The following PCDH19 variants were observed in gnomAD, a reference collection of about 807,000 sequenced individuals.
PCDH19 encodes protocadherin 19.
In PCDH19, 6 loss-of-function variants were observed where a neutral mutation model predicts 46.2. That is an observed-to-expected ratio of 0.13 (90% CI 0.07 to 0.26). The LOEUF (loss-of-function observed/expected upper bound fraction) is 0.26, where lower values mean the gene tolerates loss of function less well. PCDH19 is among the 10% of genes least tolerant of loss of function. The pLI is 1.00. For missense variants in PCDH19, 740 were observed against 972.3 expected (o/e 0.76, Z 3.18); for synonymous variants, 481 against 415.7 (o/e 1.16, Z -1.91).
Position 100,296,096 on chromosome X carries a change from C to A in PCDH19, c.*181G>T, listed in dbSNP as rs1035947072. On this transcript the variant is annotated 3_prime_UTR_variant, in exon 6 of 6. Coordinates refer to ENST00000373034, the MANE Select transcript of PCDH19 (RefSeq NM_001184880.2). The stretch of plus-strand genomic sequence containing the variant: ...AAGCTAATTTGCTCCAACTGAACAC[C>A]CCTGCTGCCTGTTGAAACAAGGGAC... 8 of 470,532 alleles carry A rather than the reference C, an allele frequency of 1.7e-5. No individual in the cohort carries two copies. In the South Asian group the frequency reaches 2.2e-4, roughly 13 times the overall value. 38.8% of individuals were successfully genotyped at this position (470,532 alleles called of 1,213,427 possible). A position where few individuals can be genotyped will look rare whatever the true frequency, so the allele number is the denominator to read the frequency against.
intron 4 of PCDH19, among the ~76,000 whole-genome samples, chrX:100,345,909 A>G (rs1569298085): frequency 8.9e-6 from 1 of 112,229 alleles, no homozygotes; most frequent in Non-Finnish European, 1.9e-5. Context: ...GCAAGATGCC[A>G]CATATTGTAA....
chrX:100,344,387 G>A (rs775768089), intron 4 of PCDH19, among the ~76,000 whole-genome samples: 1 of 111,361 alleles, frequency 9.0e-6, no homozygotes, highest in African/African-American at 3.3e-5. Context: ...CACATATTAC[G>A]GAGTTTTCTG....
chrX:100,296,372 T>C lies in PCDH19; in HGVS notation c.3352A>G (p.Ser1118Gly), dbSNP rs1057520343. Residue 1118 changes from serine to glycine, a missense_variant, in exon 6 of 6, where the codon AGC becomes GGC. Physicochemically the swap from Ser to Gly is moderately conservative, Grantham distance 56 (BLOSUM62 0). This residue lies in a region of PCDH19 where 416 missense variants were observed against 476.8 expected (regional missense o/e 0.87). Coordinates refer to ENST00000373034, the MANE Select transcript of PCDH19 (RefSeq NM_001184880.2). ...CTGACCTCATGCATGACTTTCTCGC[T>C]ATCAGCTCCACGGGGCTCAGCTTCA... ...PSEAEPRGAD[S>G]EKVMHEVSPI... 3 of 1,211,619 alleles carry C rather than the reference T, an allele frequency of 2.5e-6. No homozygotes were observed. The East Asian group carries it at 8.9e-5, about 36-fold the overall frequency.
chrX:100,359,215 A>G (rs1926803263), intron 3 of PCDH19, among the ~76,000 whole-genome samples: 1 of 112,148 alleles, frequency 8.9e-6, no homozygotes, highest in African/African-American at 3.2e-5. Context: ...AAGCAATCAG[A>G]AAACAGTAAC....
At chrX:100,327,212 T>C (rs145321037) in intron 5 of PCDH19, among the ~76,000 whole-genome samples, 2 of 111,892 alleles carry the variant, frequency 1.8e-5, no homozygotes, top group Non-Finnish European at 3.8e-5. Context: ...TTGCTATGTT[T>C]TGGACACTTG....
intron 3 of PCDH19, among the ~76,000 whole-genome samples, chrX:100,362,867 A>G (rs1294663177): frequency 9.0e-6 from 1 of 110,751 alleles, no homozygotes; most frequent in East Asian, 2.8e-4. Flanking sequence ...AAAAAAGCAC[A>G]TAAGAAAAAA....
chrX:100,409,938 C>T lies in PCDH19; in HGVS notation c.-1341G>A. On this transcript the variant is annotated 5_prime_UTR_variant, in exon 1 of 6. Transcript: ENST00000373034. ...ACTCGGGAGGTCTGTCTCGCTTTCTCTGTCTGTCTCGGGCTGTGTGTGAAT... is the reference window on the plus strand; with the variant it reads ...ACTCGGGAGGTCTGTCTCGCTTTCTTTGTCTGTCTCGGGCTGTGTGTGAAT... 3.1e-6 allele frequency: 1 copy of T among 321,708 alleles called. No individual in the cohort carries two copies. Among genetic ancestry groups the T allele is most frequent in the Non-Finnish European group, 5.3e-6 (1 of 188,208 alleles). 26.5% of individuals were successfully genotyped at this position (321,708 alleles called of 1,213,427 possible).
At chrX:100,389,465 G>A (rs967239131) in intron 3 of PCDH19, among the ~76,000 whole-genome samples, 1 of 110,818 alleles carries the variant, frequency 9.0e-6, no homozygotes, top group Non-Finnish European at 1.9e-5. Flanking sequence ...GAGATTTAAT[G>A]TCTAGCATGG....
intron 3 of PCDH19, among the ~76,000 whole-genome samples, chrX:100,377,213 CA>C (rs1216523973): frequency 1.8e-5 from 2 of 111,710 alleles, no homozygotes; most frequent in East Asian, 5.6e-4. Flanking sequence ...AGTTTTCTAC[CA>C]ACTCTACCAA....
chrX:100,360,462 A>G (rs1195123019), intron 3 of PCDH19, among the ~76,000 whole-genome samples: 1 of 112,504 alleles, frequency 8.9e-6, no homozygotes, highest in Non-Finnish European at 1.9e-5. Context: ...TTTGTCGCAG[A>G]TATTGTGATT....
At chrX:100,338,337 G>A (rs1024380262) in intron 5 of PCDH19, among the ~76,000 whole-genome samples, 5 of 70,897 alleles carry the variant, frequency 7.1e-5, no homozygotes, top group East Asian at 4.3e-4. Flanking sequence ...GCGAGACTCC[G>A]TCTCAAAAAA....
Position 100,301,742 on chromosome X carries a change from C to T in PCDH19, c.2849-4867G>A, listed in dbSNP as rs756492860. Among the ~76,000 whole-genome samples, 4 of 111,976 alleles carry T rather than the reference C, an allele frequency of 3.6e-5. No individual in the cohort carries two copies. The South Asian group carries it at 1.1e-3, about 32-fold the overall frequency. On this transcript the variant is annotated intron_variant, in intron 5 of 5. Coordinates refer to ENST00000373034, the MANE Select transcript of PCDH19 (RefSeq NM_001184880.2). ...TTAAAATTGGTCACATGTGCCTAATCGAGGAAACCTAATTGTTGAGAAGTA... is the reference window on the plus strand; with the variant it reads ...TTAAAATTGGTCACATGTGCCTAATTGAGGAAACCTAATTGTTGAGAAGTA...
intron 3 of PCDH19, among the ~76,000 whole-genome samples, chrX:100,383,996 C>G (rs1927634823): frequency 8.9e-6 from 1 of 111,763 alleles, no homozygotes; most frequent in Admixed American, 9.5e-5. Flanking sequence ...ATAAATGGTA[C>G]AAACTCAACC....
In PCDH19 at chrX:100,407,421, G is replaced by A. The variant is rs775774922; in HGVS notation, c.1177C>T (p.Pro393Ser). 2 of 1,212,071 alleles carry A rather than the reference G, an allele frequency of 1.7e-6. No individual in the cohort carries two copies. Among genetic ancestry groups the A allele is most frequent in the Non-Finnish European group, 2.2e-6 (2 of 895,544 alleles). The change falls in exon 1 of 6, where the codon CCC becomes TCC. Residue 393 changes from proline to serine, a missense_variant. Physicochemically the swap from Pro to Ser is moderately conservative, Grantham distance 74 (BLOSUM62 -1). This residue lies in a region of PCDH19 where 186 missense variants were observed against 319.9 expected (regional missense o/e 0.58). Coordinates refer to ENST00000373034, the MANE Select transcript of PCDH19 (RefSeq NM_001184880.2). ...CTCTCATATTCCTGCAGTCGAAAGGGCACATTGCCCAGCAAACGGCACTGC... is the reference window on the plus strand; with the variant it reads ...CTCTCATATTCCTGCAGTCGAAAGGACACATTGCCCAGCAAACGGCACTGC... ...RVQCRLLGNV[P>S]FRLQEYESFS... is the part of the protein sequence containing the mutation.
At chrX:100,376,235 CAAA>C (rs1171817638) in intron 3 of PCDH19, among the ~76,000 whole-genome samples, 4 of 32,909 alleles carry the variant, frequency 1.2e-4, no homozygotes, top group Non-Finnish European at 1.1e-4. Flanking sequence ...AACTCCGTCT[CAAA>C]AAAAAAAAAA....
chrX:100,314,067 C>A (rs1301022670), intron 5 of PCDH19, among the ~76,000 whole-genome samples: 1 of 111,766 alleles, frequency 8.9e-6, no homozygotes, highest in Non-Finnish European at 1.9e-5. Context: ...ATTTTTAACA[C>A]CCTGTTGTGC....
chrX:100,345,618 A>C (rs1926376556), intron 4 of PCDH19, among the ~76,000 whole-genome samples: 1 of 111,800 alleles, frequency 8.9e-6, no homozygotes, highest in Non-Finnish European at 1.9e-5. Flanking sequence ...AATGTTACAA[A>C]CAACCTCAGA....
chrX:100,296,680 A>G lies in PCDH19; in HGVS notation c.3044T>C (p.Phe1015Ser), dbSNP rs757053392. ...YDDCGPTKRT[F>S]ATFGKDVSDH... ...GCTGACATCTTTCCCAAAGGTTGCG[A>G]AAGTCCGTTTGGTGGGGCCGCAGTC... The change falls in exon 6 of 6, where the codon TTC becomes TCC. Residue 1015 changes from phenylalanine to serine, a missense_variant. Coordinates refer to ENST00000373034, the MANE Select transcript of PCDH19 (RefSeq NM_001184880.2). The G allele has an allele frequency of 8.3e-7, 1 of 1,211,386 alleles. No individual in the cohort carries two copies. The highest frequency in any genetic ancestry group is 1.7e-5 in the African/African-American group (1 of 57,631).
intron 5 of PCDH19, among the ~76,000 whole-genome samples, chrX:100,340,997 T>C (rs1217765476): frequency 1.8e-5 from 2 of 111,846 alleles, no homozygotes; most frequent in East Asian, 2.8e-4. Context: ...AACCACCAAG[T>C]TGAATTCATA....
Sources: gnomAD v4.1 joint callset for allele counts (sites outside exome capture counted in the v4.1 genomes callset) on GRCh38, gnomAD v4.1.1 for gene constraint, gnomAD v4.1.1 regional missense constraint, MANE v1.5 for transcripts, NCBI Gene and HGNC (gene_info 2026-07-23, HGNC 2026-07-21) for gene names.